Variants in GNB5 observed in about 807,000 individuals in gnomAD.
The protein encoded by GNB5 is G protein subunit beta 5.
GNB5 carries 37 observed loss-of-function variants against 55.3 expected under a neutral mutation model. That is an observed-to-expected ratio of 0.67 (90% CI 0.51 to 0.88). The LOEUF (loss-of-function observed/expected upper bound fraction) is 0.88, where lower values mean the gene tolerates loss of function less well. GNB5 is among the 40% of genes least tolerant of loss of function. The pLI is 0.00. For missense variants in GNB5, 476 were observed against 515.3 expected, an observed-to-expected ratio of 0.92 and a Z score of 0.74; for synonymous variants, 219 against 198.5, an observed-to-expected ratio of 1.10 and a Z score of -0.87.
At chr15:52,124,787 G>A (rs1053088907) in intron 11 of GNB5, 148 bp from the exon 12 acceptor site, 4 of 655,110 alleles carry the variant, frequency 6.1e-6, no homozygotes, top group Admixed American at 2.7e-5. Flanking sequence ...TCAAAGGGGA[G>A]AAAGCACAGT....
rs1311937994 is a variant in GNB5 at position 52,117,760 on chromosome 15, A to G, written c.*4997T>C. On this transcript the variant is annotated 3_prime_UTR_variant, in exon 13 of 13. Coordinates refer to ENST00000261837, the MANE Select transcript of GNB5 (RefSeq NM_016194.4). ...CTTACAAAGGATCCACAGAGACAAG[A>G]TTCACTCGCGGCCTCCCCAGTGGGC... 1 of 152,322 alleles carries G rather than the reference A, an allele frequency of 6.6e-6. No individual in the cohort carries two copies. Among genetic ancestry groups the G allele is most frequent in the Admixed American group, 6.5e-5 (1 of 15,286 alleles). The allele number at this position is 152,322 out of a possible 1,614,324, so 9.4% of individuals were successfully genotyped here.
chr15:52,124,871 C>T (rs2033380674), intron 11 of GNB5: 4 of 436,908 alleles, frequency 9.2e-6, no homozygotes, highest in East Asian at 3.8e-5. Flanking sequence ...AGCCATAATG[C>T]AAGTGCTTTA....
chr15:52,153,039 C>A (rs2034133358), intron 4 of GNB5, among the ~76,000 whole-genome samples: 1 of 152,236 alleles, frequency 6.6e-6, no homozygotes, highest in African/African-American at 2.4e-5. Context: ...AGTCCCAAAT[C>A]ATTCCAGCCT....
chr15:52,125,773 A>G lies in GNB5; in HGVS notation c.1009+175T>C, dbSNP rs116254072. ...CTGGAGTGAAGTTGCCTGGGGCAGG[A>G]CAAAGTGGGAGGTCAGAAGCTCAGA... On this transcript the variant is annotated intron_variant, in intron 11 of 12. Coordinates refer to ENST00000261837, the MANE Select transcript of GNB5 (RefSeq NM_016194.4). The G allele has an allele frequency of 3.8e-3, 2,230 of 584,122 alleles. 33 individuals carry two copies. Among genetic ancestry groups the G allele is most frequent in the African/African-American group, 0.038 (2,014 of 53,592 alleles). 36.2% of individuals were successfully genotyped at this position (584,122 alleles called of 1,614,324 possible).
In GNB5 at chr15:52,117,102, A is replaced by ATATATATATATATATATATATATATT; in HGVS notation, c.*5654_*5655insAATATATATATATATATATATATATA. 2.2e-4 allele frequency: 19 copies of ATATATATATATATATATATATATATT among 87,100 alleles called. 4 individuals are homozygous for ATATATATATATATATATATATATATT. The highest frequency in any genetic ancestry group is 4.9e-4 in the Admixed American group (4 of 8,100). 5.4% of individuals were successfully genotyped at this position (87,100 alleles called of 1,614,324 possible). ...CCACGCCCAGCTAATATATATATAT[A>ATATATATATATATATATATATATATT]TTTTTTTTTAGTACAGACAGGGTTT... On this transcript the variant is annotated 3_prime_UTR_variant, in exon 13 of 13. Coordinates refer to ENST00000261837, the MANE Select transcript of GNB5 (RefSeq NM_016194.4).
chr15:52,158,050 G>C (rs2034252718), intron 3 of GNB5, among the ~76,000 whole-genome samples: 1 of 151,828 alleles, frequency 6.6e-6, no homozygotes, highest in Admixed American at 6.6e-5. Flanking sequence ...TAACCAGCTG[G>C]TTTCTATAAT....
chr15:52,180,226 A>G (rs868831014), intron 2 of GNB5: 39 of 165,486 alleles, frequency 2.4e-4, no homozygotes, highest in South Asian at 5.8e-4. Flanking sequence ...CGGGATTCCA[A>G]CTCGGGACTC....
At chr15:52,124,375 C>G in intron 12 of GNB5, 98 bp downstream of exon 12, 1 of 987,520 alleles carries the variant, frequency 1.0e-6, no homozygotes, top group Non-Finnish European at 1.5e-6. Context: ...ACCAGGCCCA[C>G]CTGAGCTTAC....
chr15:52,188,759 ATG>A (rs2034879574), intron 1 of GNB5, among the ~76,000 whole-genome samples: 1 of 152,252 alleles, frequency 6.6e-6, no homozygotes, highest in Admixed American at 6.5e-5. Context: ...TTACCTAAAT[ATG>A]TGACTTAAAA....
At chr15:52,185,750 CTTTTTA>C (rs2034835094) in intron 1 of GNB5, among the ~76,000 whole-genome samples, 1 of 123,690 alleles carries the variant, frequency 8.1e-6, no homozygotes, top group African/African-American at 3.1e-5. Context: ...GTGTATTCAT[CTTTTTA>C]TTATTATTAT....
chr15:52,142,640 C>T (rs1218628255), intron 6 of GNB5, among the ~76,000 whole-genome samples: 1 of 151,946 alleles, frequency 6.6e-6, no homozygotes, highest in East Asian at 1.9e-4. Context: ...AATATCCTAG[C>T]CTCACTTTAT....
At chr15:52,183,968 G>C (rs1213205124) in intron 2 of GNB5, among the ~76,000 whole-genome samples, 3 of 152,164 alleles carry the variant, frequency 2.0e-5, no homozygotes, top group African/African-American at 7.2e-5. Context: ...GGCCCAAGGA[G>C]TACTTCTGAG....
chr15:52,124,680 TG>T, intron 11 of GNB5, 41 bp from the exon 12 acceptor site: 1 of 1,566,982 alleles, frequency 6.4e-7, no homozygotes, highest in Non-Finnish European at 8.7e-7. Flanking sequence ...GCCAGTTCCT[TG>T]CTTCCTGTTT....
chr15:52,188,915 C>T (rs569709242), intron 1 of GNB5, among the ~76,000 whole-genome samples: 104 of 152,324 alleles, frequency 6.8e-4, no homozygotes, highest in African/African-American at 2.5e-3. Context: ...GGCACAAACA[C>T]ATAGATACAG....
chr15:52,142,941 G>A (rs565999198), intron 6 of GNB5, among the ~76,000 whole-genome samples: 7 of 152,094 alleles, frequency 4.6e-5, no homozygotes, highest in Non-Finnish European at 8.8e-5. Flanking sequence ...AATCACCTGA[G>A]GTCAGGAGTT....
At chr15:52,150,422 C>A (rs917267882) in intron 4 of GNB5, among the ~76,000 whole-genome samples, 1 of 152,176 alleles carries the variant, frequency 6.6e-6, no homozygotes, top group African/African-American at 2.4e-5. Flanking sequence ...AACCCCCCTC[C>A]CCATTCTCTG....
chr15:52,119,743 G>A lies in GNB5; in HGVS notation c.*3014C>T, dbSNP rs905665212. The A allele has an allele frequency of 2.4e-4, 36 of 152,238 alleles. No individual in the cohort carries two copies. Among genetic ancestry groups the A allele is most frequent in the Admixed American group, 2.0e-3 (31 of 15,296 alleles). The allele number at this position is 152,238 out of a possible 1,614,324, so 9.4% of individuals were successfully genotyped here. A position where few individuals can be genotyped will look rare whatever the true frequency, so the allele number is the denominator to read the frequency against. On this transcript the variant is annotated 3_prime_UTR_variant, in exon 13 of 13. Transcript: ENST00000261837. ...TATTCTGTGACCGTGACAGAGGTGGGTGTGAATGAAGGCCAGCCCTCTTAT... is the reference window on the plus strand; with the variant it reads ...TATTCTGTGACCGTGACAGAGGTGGATGTGAATGAAGGCCAGCCCTCTTAT...
At chr15:52,124,411 A>C in intron 12 of GNB5, 62 bp downstream of exon 12, 1 of 1,354,188 alleles carries the variant, frequency 7.4e-7, no homozygotes, top group Admixed American at 1.9e-5. Flanking sequence ...TCTGCTTCAG[A>C]AGGCCTGTCA....
Position 52,184,540 on chromosome 15 carries a change from GT to G in GNB5, c.126+10del, listed in dbSNP as rs1167342521. ...AGACAGATAACTGAATTTTTTTTAA[GT>G]GGCACTTACAATTTCTGCACATGTT... is the stretch of plus-strand genomic sequence containing the variant. On this transcript the variant is annotated intron_variant, in intron 2 of 12. Coordinates refer to ENST00000261837, the MANE Select transcript of GNB5 (RefSeq NM_016194.4). The G allele has an allele frequency of 4.3e-6, 7 of 1,610,880 alleles. No individual in the cohort carries two copies. Among genetic ancestry groups the G allele is most frequent in the Non-Finnish European group, 5.9e-6 (7 of 1,177,960 alleles).
Sources: gnomAD v4.1 joint callset for allele counts (sites outside exome capture counted in the v4.1 genomes callset) on GRCh38, gnomAD v4.1.1 for gene constraint, MANE v1.5 for transcripts, NCBI Gene and HGNC (gene_info 2026-07-23, HGNC 2026-07-21) for gene names.